SLC8A2: variants seen among roughly 807,000 people sequenced by gnomAD.
SLC8A2 encodes solute carrier family 8 member A2, also known as sodium/calcium exchanger 2.
Under a neutral mutation model 70.2 loss-of-function variants are expected in SLC8A2, and 14 were observed. The ratio of observed to expected loss-of-function variants is 0.20; its 90% CI spans 0.13 to 0.31. SLC8A2 has a LOEUF of 0.31. Among genes scored for constraint, SLC8A2 ranks in the 10% least tolerant of loss-of-function variants. SLC8A2 has a pLI of 1.00. For missense variants in SLC8A2, 779 were observed against 1,320.1 expected (o/e 0.59, Z 6.35); for synonymous variants, 575 against 594.3 (o/e 0.97, Z 0.47).
At chr19:47,459,719 G>C (rs901383818) in intron 2 of SLC8A2, among the ~76,000 whole-genome samples, 2 of 148,048 alleles carry the variant, frequency 1.4e-5, no homozygotes, top group African/African-American at 5.0e-5. Flanking sequence ...GCGCGCATGT[G>C]TGTACGTCTG....
intron 6 of SLC8A2, among the ~76,000 whole-genome samples, chr19:47,439,616 T>TCC (rs1438921275): frequency 0.3 from 36,547 of 122,440 alleles, 5,541 homozygotes; most frequent in African/African-American, 0.42. Flanking sequence ...CTTCCTTCCT[T>TCC]TCTTCCTTCC....
chr19:47,447,716 G>A lies in SLC8A2; in HGVS notation c.1763+93C>T. On this transcript the variant is annotated intron_variant, in intron 4 of 9. Coordinates refer to ENST00000236877, the MANE Select transcript of SLC8A2 (RefSeq NM_015063.3). The surrounding 1 kb of genome is among the most constrained non-coding windows in gnomAD (Gnocchi z 5.1). Reference sequence around the variant, plus strand: ...CCAACCAAGACCCGCCCACTATGTGGGCATGGCTCACCCAGGCCCCGCCCC... The same window carrying A: ...CCAACCAAGACCCGCCCACTATGTGAGCATGGCTCACCCAGGCCCCGCCCC... 7.6e-7 allele frequency: 1 copy of A among 1,317,856 alleles called. No individual in the cohort carries two copies. Among genetic ancestry groups the A allele is most frequent in the East Asian group, 2.8e-5 (1 of 35,916 alleles). 81.6% of individuals were successfully genotyped at this position (1,317,856 alleles called of 1,614,324 possible).
chr19:47,454,231 C>T (rs571884351), intron 3 of SLC8A2, among the ~76,000 whole-genome samples: 1 of 152,134 alleles, frequency 6.6e-6, no homozygotes, highest in Non-Finnish European at 1.5e-5. Flanking sequence ...CACCTGTACT[C>T]ACTTCCTTCT....
Position 47,430,257 on chromosome 19 carries a change from G to C in SLC8A2, c.2598C>G (p.Ala866=). The C allele has an allele frequency of 1.2e-6, 2 of 1,612,392 alleles. No individual in the cohort carries two copies. Among genetic ancestry groups the C allele is most frequent in the Non-Finnish European group, 1.7e-6 (2 of 1,179,226 alleles). The change falls in exon 10 of 10, where the codon GCC becomes GCG. Residue 866 remains alanine, a synonymous_variant. Transcript: ENST00000236877. The surrounding 1 kb of genome is among the most constrained non-coding windows in gnomAD (Gnocchi z 5.9). ...ACAGCAGCACGGCAATGCCCACGAA[G>C]GCGAAGACGGTGAAGAGCGTGACGG... ...AFSVTLFTVF[A]FVGIAVLLYR...
intron 4 of SLC8A2, among the ~76,000 whole-genome samples, chr19:47,444,031 A>T (rs1370708617): frequency 1.3e-5 from 2 of 151,878 alleles, no homozygotes; most frequent in Non-Finnish European, 2.9e-5. Context: ...AAGTAGCTGG[A>T]AATATAAGCG....
chr19:47,437,603 G>A (rs370773034), intron 7 of SLC8A2, 42 bp from the exon 8 acceptor site: 61 of 1,477,346 alleles, frequency 4.1e-5, no homozygotes, highest in Non-Finnish European at 5.1e-5. Context: ...GCCCCTGAGC[G>A]AACCAGGGAA....
rs773810963 is a variant in SLC8A2, at chr19:47,466,356, G to A, written c.48C>T (p.Pro16=). ...TTGGGGTGGCTGCCCCGGAGCATGG[G>A]GGAGCCGCCAGGAGGAGTGTGACCC... The part of the protein sequence containing the change: ...LVGVTLLLAA[P]PCSGAATPTP... The change falls in exon 2 of 10, where the codon CCC becomes CCT. Residue 16 remains proline (P), a synonymous_variant. Coordinates refer to ENST00000236877, the MANE Select transcript of SLC8A2 (RefSeq NM_015063.3). The surrounding 1 kb of genome is among the most constrained non-coding windows in gnomAD (Gnocchi z 6.9). The A allele has an allele frequency of 7.6e-5, 110 of 1,449,500 alleles. 1 individual carries two copies. Among genetic ancestry groups the A allele is most frequent in the Admixed American group, 2.3e-4 (9 of 38,762 alleles). The allele number at this position is 1,449,500 out of a possible 1,614,324, so 89.8% of individuals were successfully genotyped here.
intron 2 of SLC8A2, among the ~76,000 whole-genome samples, chr19:47,460,258 G>A (rs1313115502): frequency 6.6e-6 from 1 of 152,214 alleles, no homozygotes; most frequent in South Asian, 2.1e-4. Context: ...GCAGCTCTGA[G>A]TTGGGAGCCT....
rs970288547 is a variant in SLC8A2 at position 47,429,686 on chromosome 19, G to T, written c.*403C>A. ...GGCTCTGGGACATGGGGTGAAGTGG[G>T]GGGGGGGTCACTAGGGGAAGGGAGA... On this transcript the variant is annotated 3_prime_UTR_variant, in exon 10 of 10. Coordinates refer to ENST00000236877, the MANE Select transcript of SLC8A2 (RefSeq NM_015063.3). 7 of 197,894 alleles carry T rather than the reference G, an allele frequency of 3.5e-5. No individual in the cohort carries two copies. Among genetic ancestry groups the T allele is most frequent in the African/African-American group, 1.4e-4 (6 of 41,980 alleles). The allele number at this position is 197,894 out of a possible 1,614,324, so 12.3% of individuals were successfully genotyped here.
In SLC8A2 at chr19:47,468,652, A is replaced by G. The variant is rs933354146; in HGVS notation, c.-16-2233T>C. On this transcript the variant is annotated intron_variant, in intron 1 of 9. Coordinates refer to ENST00000236877, the MANE Select transcript of SLC8A2 (RefSeq NM_015063.3). The surrounding 1 kb of genome is among the most constrained non-coding windows in gnomAD (Gnocchi z 5.1). The stretch of plus-strand genomic sequence containing the variant: ...CCTTTCAGGTTTCCACTCTGATGTC[A>G]GCTTCCCCAAACACCCCATCCAAAA... Among the ~76,000 whole-genome samples, 1 of 151,964 alleles carries G rather than the reference A, an allele frequency of 6.6e-6. No individual in the cohort carries two copies. The highest frequency in any genetic ancestry group is 6.6e-5 in the Admixed American group (1 of 15,254).
rs757662452 is a variant in SLC8A2 at position 47,428,634 on chromosome 19, C to T, written c.*1455G>A. 6.6e-6 allele frequency: 1 copy of T among 152,608 alleles called. No individual in the cohort carries two copies. Among genetic ancestry groups the T allele is most frequent in the Non-Finnish European group, 1.5e-5 (1 of 68,040 alleles). The allele number at this position is 152,608 out of a possible 1,614,324, so 9.5% of individuals were successfully genotyped here. ...TCAGAGACCTTATTAGCCCCCTCCT[C>T]CTGAATCCCAGCTTCCCACGGGACT... On this transcript the variant is annotated 3_prime_UTR_variant, in exon 10 of 10. Coordinates refer to ENST00000236877, the MANE Select transcript of SLC8A2 (RefSeq NM_015063.3).
chr19:47,450,778 C>CCT (rs1967224644), intron 3 of SLC8A2, among the ~76,000 whole-genome samples: 1 of 152,052 alleles, frequency 6.6e-6, no homozygotes, highest in East Asian at 1.9e-4. Flanking sequence ...ATTCTGCAGT[C>CCT]CTCTGAGCCT....
chr19:47,454,398 G>A (rs758940520), intron 3 of SLC8A2, among the ~76,000 whole-genome samples: 3 of 152,192 alleles, frequency 2.0e-5, no homozygotes, highest in African/African-American at 7.2e-5. Flanking sequence ...AGGATGGACC[G>A]AGTGGCCAAA....
chr19:47,466,022 C>G lies in SLC8A2; in HGVS notation c.382G>C (p.Val128Leu). 6.2e-7 allele frequency: 1 copy of G among 1,614,184 alleles called. No individual in the cohort carries two copies. Residue 128 changes from valine to leucine, a missense_variant, in exon 2 of 10, where the codon GTG (valine) becomes CTG (leucine). Around this residue, in one of 6 missense-constraint regions of SLC8A2, gnomAD observed 155 missense variants for 318.6 expected, o/e 0.49. Transcript: ENST00000236877. The surrounding 1 kb of genome is among the most constrained non-coding windows in gnomAD (Gnocchi z 6.9). ...VGTVRIWNET[V>L]SNLTLMALGS... ...AGGGCCATGAGCGTGAGGTTGGACACCGTCTCATTCCAGATGCGAACGGTG... is the reference window on the plus strand; with the variant it reads ...AGGGCCATGAGCGTGAGGTTGGACAGCGTCTCATTCCAGATGCGAACGGTG...
intron 3 of SLC8A2, among the ~76,000 whole-genome samples, chr19:47,451,594 C>A (rs1360881803): frequency 6.6e-6 from 1 of 152,228 alleles, no homozygotes; most frequent in Non-Finnish European, 1.5e-5. Context: ...CAGGCATGAT[C>A]CACTGCATAC....
chr19:47,434,974 G>A (rs373057949), intron 8 of SLC8A2, among the ~76,000 whole-genome samples: 46 of 152,240 alleles, frequency 3.0e-4, no homozygotes, highest in Middle Eastern at 6.8e-3. Flanking sequence ...TTTGGGAGGC[G>A]GATGTGGGCA....
chr19:47,429,862 T>A lies in SLC8A2; in HGVS notation c.*227A>T. The A allele has an allele frequency of 5.2e-6, 3 of 579,042 alleles. No homozygotes were observed. The South Asian group carries it at 6.4e-5, about 12-fold the overall frequency. The allele number at this position is 579,042 out of a possible 1,614,324, so 35.9% of individuals were successfully genotyped here. On this transcript the variant is annotated 3_prime_UTR_variant, in exon 10 of 10. Coordinates refer to ENST00000236877, the MANE Select transcript of SLC8A2 (RefSeq NM_015063.3). ...CCAACAGGATGGGCTGGAGTTGGGG[T>A]CACCGCAGGGGAGGAACCGGGGAGG...
At chr19:47,461,488 G>A (rs1967394689) in intron 2 of SLC8A2, among the ~76,000 whole-genome samples, 1 of 152,162 alleles carries the variant, frequency 6.6e-6, no homozygotes, top group Non-Finnish European at 1.5e-5. Flanking sequence ...CAGCCTGGGG[G>A]ACAGAGTGAG....
chr19:47,430,737 T>A lies in SLC8A2; in HGVS notation c.2390-272A>T, dbSNP rs1966947189. Among the ~76,000 whole-genome samples the A allele has an allele frequency of 6.6e-6, 1 of 152,232 alleles. No individual in the cohort carries two copies. Among genetic ancestry groups the A allele is most frequent in the African/African-American group, 2.4e-5 (1 of 41,468 alleles). The stretch of plus-strand genomic sequence containing the variant: ...GGACTCACTGCGTGATTTCTTTTTT[T>A]TTCCTCCGAGACGGAGTTTTGCTCT... On this transcript the variant is annotated intron_variant, in intron 9 of 9. Coordinates refer to ENST00000236877, the MANE Select transcript of SLC8A2 (RefSeq NM_015063.3). This position sits in a 1 kb window ranked among gnomAD's most constrained non-coding sequence, Gnocchi z 5.9.
Sources: allele counts gnomAD v4.1 joint callset (sites outside exome capture counted in the v4.1 genomes callset), GRCh38; gene constraint gnomAD v4.1.1; regional missense constraint gnomAD v4.1.1; non-coding constraint Gnocchi (gnomAD v3.1); transcripts MANE v1.5; gene names NCBI Gene and HGNC (gene_info 2026-07-23, HGNC 2026-07-21).